UVRAG: variants seen among roughly 807,000 people sequenced by gnomAD.
UVRAG encodes UV radiation resistance associated.
UVRAG carries 19 observed loss-of-function variants against 78.0 expected under a neutral mutation model. That is an observed-to-expected ratio of 0.24 (90% CI 0.17 to 0.36). UVRAG has a LOEUF of 0.36. UVRAG is among the 10% of genes least tolerant of loss of function. The pLI is 1.00. For missense variants in UVRAG, 740 were observed against 853.8 expected (o/e 0.87, Z 1.66); for synonymous variants, 323 against 324.6 (o/e 1.00, Z 0.05).
chr11:75,963,666 G>A (rs1184865488), intron 7 of UVRAG, among the ~76,000 whole-genome samples: 1 of 152,150 alleles, frequency 6.6e-6, no homozygotes, highest in African/African-American at 2.4e-5. Flanking sequence ...GACCATATAT[G>A]ATTAACTGTG....
chr11:76,023,391 C>T (rs567447823), intron 12 of UVRAG, among the ~76,000 whole-genome samples: 2 of 152,248 alleles, frequency 1.3e-5, no homozygotes, highest in African/African-American at 4.8e-5. Context: ...GAAACTCTCT[C>T]CAGCTTTTCT....
At chr11:75,854,133 A>C (rs1042362009) in intron 2 of UVRAG, among the ~76,000 whole-genome samples, 4 of 152,226 alleles carry the variant, frequency 2.6e-5, no homozygotes, top group Non-Finnish European at 5.9e-5. Context: ...AGCTATTGTA[A>C]CAAATACCAC....
At chr11:76,035,769 T>C (rs1248105560) in intron 12 of UVRAG, among the ~76,000 whole-genome samples, 1 of 152,210 alleles carries the variant, frequency 6.6e-6, no homozygotes, top group Non-Finnish European at 1.5e-5. Flanking sequence ...CATATGAATA[T>C]ACTTCATGCC....
chr11:75,911,979 T>C lies in UVRAG; in HGVS notation c.533T>C (p.Ile178Thr). The change falls in exon 6 of 15, where the codon ATT (isoleucine) becomes ACT (threonine). Residue 178 changes from isoleucine to threonine, a missense_variant. Ile to Thr is a moderately conservative substitution (Grantham distance 89). Transcript: ENST00000356136. ...HKGYSNAQKT[I>T]LLQVDQNCVR... ...GGTTATTCAAATGCTCAGAAGACTA[T>C]TCTTCTGCAGGTGGATCAGAACTGT... 6.2e-7 allele frequency: 1 copy of C among 1,612,362 alleles called. No homozygotes were observed.
intron 8 of UVRAG, 25 bp downstream of exon 8, chr11:75,983,538 G>A (rs769495942): frequency 1.6e-4 from 248 of 1,535,810 alleles, no homozygotes; most frequent in Non-Finnish European, 1.9e-4. Flanking sequence ...CATACAAACA[G>A]CCTAACCTCC....
intron 6 of UVRAG, among the ~76,000 whole-genome samples, chr11:75,915,914 G>A (rs1384696623): frequency 6.6e-6 from 1 of 152,170 alleles, no homozygotes; most frequent in Non-Finnish European, 1.5e-5. Flanking sequence ...CCTGAGGGAT[G>A]AGCCTGGAAG....
intron 14 of UVRAG, among the ~76,000 whole-genome samples, chr11:76,138,926 A>C (rs945226024): frequency 6.6e-6 from 1 of 152,244 alleles, no homozygotes; most frequent in African/African-American, 2.4e-5. Context: ...GCTTGCAAAA[A>C]TGTGTAGCTT....
chr11:76,038,775 CTCATG>C (rs1026864332), intron 12 of UVRAG, among the ~76,000 whole-genome samples: 1 of 152,218 alleles, frequency 6.6e-6, no homozygotes, highest in Non-Finnish European at 1.5e-5. Flanking sequence ...AACAGAACTC[CTCATG>C]GAGGGAGCCA....
At chr11:75,857,748 TA>T (rs1213887892) in intron 2 of UVRAG, among the ~76,000 whole-genome samples, 2 of 151,888 alleles carry the variant, frequency 1.3e-5, no homozygotes, top group African/African-American at 4.8e-5. Flanking sequence ...TTGGCTTCCC[TA>T]AGTGCTGGGA....
intron 6 of UVRAG, among the ~76,000 whole-genome samples, chr11:75,936,305 T>C (rs868402175): frequency 4.6e-5 from 7 of 152,240 alleles, no homozygotes; most frequent in Middle Eastern, 3.2e-3. Context: ...GATAAATGTC[T>C]CATTTTTTAA....
intron 12 of UVRAG, among the ~76,000 whole-genome samples, chr11:76,049,684 C>T (rs144137936): frequency 1.6e-4 from 25 of 152,336 alleles, no homozygotes; most frequent in African/African-American, 5.8e-4. Context: ...ATTCACCCCT[C>T]CCTCCATTCC....
intron 7 of UVRAG, among the ~76,000 whole-genome samples, chr11:75,971,013 G>A (rs143980884): frequency 2.4e-4 from 36 of 152,114 alleles, no homozygotes; most frequent in Admixed American, 1.6e-3. Context: ...TATCCTCCAC[G>A]TGTTCATCCT....
chr11:76,120,892 A>C (rs1392248037), intron 14 of UVRAG, among the ~76,000 whole-genome samples: 1 of 152,164 alleles, frequency 6.6e-6, no homozygotes, highest in Non-Finnish European at 1.5e-5. Flanking sequence ...AAGGGTAAAA[A>C]AACTCAGGTT....
chr11:75,864,134 C>T (rs1946485751), intron 3 of UVRAG, among the ~76,000 whole-genome samples: 1 of 151,640 alleles, frequency 6.6e-6, no homozygotes, highest in Admixed American at 6.6e-5. Context: ...CAGCTCACTG[C>T]AACCTCCACC....
In UVRAG at chr11:76,141,059, C is replaced by T. The variant is rs145399752; in HGVS notation, c.1746C>T (p.Ser582=). 59 of 1,614,006 alleles carry T rather than the reference C, an allele frequency of 3.7e-5. No individual in the cohort carries two copies. Among genetic ancestry groups the T allele is most frequent in the African/African-American group, 2.7e-4 (20 of 74,894 alleles). The change falls in exon 15 of 15, where the codon AGC becomes AGT. Residue 582 remains serine, a synonymous_variant. Coordinates refer to ENST00000356136, the MANE Select transcript of UVRAG (RefSeq NM_003369.4). The part of the protein sequence containing the change: ...LNGGHANVHP[S]QEQGEALSGH... ...GAGGCCACGCGAATGTGCACCCTAG[C>T]CAAGAACAAGGAGAAGCCCTCTCCG...
At chr11:76,119,114 G>A (rs1333681722) in intron 14 of UVRAG, among the ~76,000 whole-genome samples, 1 of 151,976 alleles carries the variant, frequency 6.6e-6, no homozygotes, top group African/African-American at 2.4e-5. Flanking sequence ...TATCTAGCTT[G>A]GTGCCTACCG....
At chr11:75,851,823 C>T (rs759147544) in intron 1 of UVRAG, 60 bp from the exon 2 acceptor site, 143 of 1,379,696 alleles carry the variant, frequency 1.0e-4, no homozygotes, top group Non-Finnish European at 1.3e-4. Flanking sequence ...CTGCAACTTC[C>T]AGAAAATTTT....
intron 1 of UVRAG, among the ~76,000 whole-genome samples, chr11:75,842,938 A>G (rs1326094023): frequency 6.6e-6 from 1 of 152,172 alleles, no homozygotes; most frequent in Non-Finnish European, 1.5e-5. Context: ...GTGGGGATTT[A>G]TGGAGTAATT....
intron 7 of UVRAG, among the ~76,000 whole-genome samples, chr11:75,971,189 T>C (rs1438357302): frequency 6.6e-6 from 1 of 152,256 alleles, no homozygotes; most frequent in Admixed American, 6.5e-5. Context: ...TAGCTCATTT[T>C]GTTTCATCAC....
Sources: allele counts gnomAD v4.1 joint callset (sites outside exome capture counted in the v4.1 genomes callset), GRCh38; gene constraint gnomAD v4.1.1; transcripts MANE v1.5; gene names NCBI Gene and HGNC (gene_info 2026-07-23, HGNC 2026-07-21).